The following RALGAPA1 variants were observed in gnomAD, a reference collection of about 807,000 sequenced individuals.
The protein encoded by RALGAPA1 is ral GTPase-activating protein subunit alpha-1.
A neutral mutation model predicts 269.6 loss-of-function variants in RALGAPA1; 52 were observed. The ratio of observed to expected loss-of-function variants is 0.19; its 90% CI spans 0.15 to 0.24. RALGAPA1 has a LOEUF of 0.24. Among genes scored for constraint, RALGAPA1 ranks in the 10% least tolerant of loss-of-function variants. The probability of loss-of-function intolerance (pLI) is 1.00; values close to 1 mark genes in which losing one functional copy is unlikely to be tolerated. For synonymous variants in RALGAPA1, 817 were observed against 1,008.3 expected, an observed-to-expected ratio of 0.81 and a Z score of 3.60; for missense variants, 1,917 against 3,013.9, an observed-to-expected ratio of 0.64 and a Z score of 8.52.
intron 37 of RALGAPA1, among the ~76,000 whole-genome samples, chr14:35,585,684 C>A (rs184021649): frequency 6.6e-6 from 1 of 152,158 alleles, no homozygotes; most frequent in African/African-American, 2.4e-5. Flanking sequence ...AGCCAGTTTC[C>A]CCAGCACCAT....
intron 17 of RALGAPA1, among the ~76,000 whole-genome samples, chr14:35,697,463 A>C (rs1036512250): frequency 6.6e-6 from 1 of 151,828 alleles, no homozygotes; most frequent in Non-Finnish European, 1.5e-5. Flanking sequence ...CTCCTGCCTC[A>C]GCCTACTGAG....
At chr14:35,677,839 C>G in intron 22 of RALGAPA1, 111 bp downstream of exon 22, 1 of 1,068,792 alleles carries the variant, frequency 9.4e-7, no homozygotes, top group Non-Finnish European at 1.3e-6. Flanking sequence ...TAGAAAAGTC[C>G]AAAATATTTA....
intron 36 of RALGAPA1, among the ~76,000 whole-genome samples, chr14:35,600,232 CTTTTTTTT>C (rs71124708): frequency 3.5e-5 from 3 of 86,952 alleles, no homozygotes; most frequent in South Asian, 7.5e-4. Context: ...TTCTTTTTTT[CTTTTTTTT>C]TTTTTTTTTG....
intron 7 of RALGAPA1, among the ~76,000 whole-genome samples, chr14:35,752,849 A>C (rs558055554): frequency 1.5e-4 from 23 of 152,314 alleles, no homozygotes; most frequent in Non-Finnish European, 2.1e-4. Flanking sequence ...CTGATTAAAT[A>C]AGTATATATA....
intron 4 of RALGAPA1, among the ~76,000 whole-genome samples, chr14:35,769,008 C>CAAAAAAAAAAAAAAAA (rs1170324007): frequency 8.9e-5 from 1 of 11,192 alleles, no homozygotes; most frequent in African/African-American, 3.1e-4. Context: ...AACTCCGTCT[C>CAAAAAAAAAAAAAAAA]AAAAAAAAAA....
At position 35,689,757 on chromosome 14, in the gene RALGAPA1, C is replaced by T; in HGVS notation, c.2654G>A (p.Arg885Lys). The change falls in exon 18 of 42, where the codon AGA becomes AAA. Residue 885 changes from arginine to lysine, a missense_variant. Physicochemically the swap from Arg to Lys is conservative, Grantham distance 26. Around this residue, in one of 11 missense-constraint regions of RALGAPA1, gnomAD observed 615 missense variants for 790.0 expected, o/e 0.78. Coordinates refer to ENST00000680220, the MANE Select transcript of RALGAPA1 (RefSeq NM_001346249.2). The part of the protein sequence containing the change: ...QSSTEASSIT[R>K]STESHITDTH... ...ATCAGTGATGTGGCTTTCAGTGGAT[C>T]TAGTTATTGAAGAAGCCTCTGTGGA... 6.7e-7 allele frequency: 1 copy of T among 1,497,890 alleles called. No homozygotes were observed. Among genetic ancestry groups the T allele is most frequent in the Non-Finnish European group, 8.8e-7 (1 of 1,130,866 alleles). The allele number at this position is 1,497,890 out of a possible 1,614,324, so 92.8% of individuals were successfully genotyped here.
chr14:35,675,749 G>C (rs1357465516), intron 22 of RALGAPA1, among the ~76,000 whole-genome samples: 3 of 152,048 alleles, frequency 2.0e-5, no homozygotes, highest in Non-Finnish European at 4.4e-5. Context: ...AATGGAAAAG[G>C]CTATAGAAAA....
chr14:35,573,162 G>A (rs2057336896), intron 37 of RALGAPA1, among the ~76,000 whole-genome samples: 1 of 152,196 alleles, frequency 6.6e-6, no homozygotes, highest in South Asian at 2.1e-4. Context: ...CCAAATAGAT[G>A]TCTTGAGAAT....
chr14:35,775,050 T>C lies in RALGAPA1; in HGVS notation c.223A>G (p.Lys75Glu). 2 of 1,539,062 alleles carry C rather than the reference T, an allele frequency of 1.3e-6. No homozygotes were observed. The highest frequency in any genetic ancestry group is 1.8e-6 in the Non-Finnish European group (2 of 1,119,532). Residue 75 changes from lysine (K) to glutamate (E), a missense_variant, in exon 3 of 42, where the codon AAG (lysine) becomes GAG (glutamate). Lys to Glu is a moderately conservative substitution (Grantham distance 56). Transcript: ENST00000680220. Reference protein sequence around the residue: ...IEASLKQKGHKSQREELDAIL... With the variant: ...IEASLKQKGHESQREELDAIL... Reference sequence around the variant, plus strand: ...GCATCCAATTCCTCTCTTTGAGACTTGTGACCTAAAACATTTTTATAAGAA... The same window carrying C: ...GCATCCAATTCCTCTCTTTGAGACTCGTGACCTAAAACATTTTTATAAGAA...
chr14:35,559,469 A>C (rs905142856), intron 39 of RALGAPA1, among the ~76,000 whole-genome samples: 1 of 152,142 alleles, frequency 6.6e-6, no homozygotes, highest in African/African-American at 2.4e-5. Context: ...AGTCATCACA[A>C]ACTGCAACAT....
chr14:35,788,345 T>C (rs1297843781), intron 1 of RALGAPA1, among the ~76,000 whole-genome samples: 1 of 152,212 alleles, frequency 6.6e-6, no homozygotes, highest in Non-Finnish European at 1.5e-5. Context: ...TTCAATTTTA[T>C]TTCCTTAAGG....
intron 30 of RALGAPA1, 43 bp downstream of exon 30, chr14:35,654,324 A>C: frequency 6.6e-7 from 1 of 1,510,810 alleles, no homozygotes. Flanking sequence ...CAAATCTAAA[A>C]AAATTTAACA....
intron 16 of RALGAPA1, among the ~76,000 whole-genome samples, chr14:35,709,677 T>C (rs540960417): frequency 2.0e-5 from 3 of 152,298 alleles, no homozygotes; most frequent in Non-Finnish European, 2.9e-5. Context: ...TCTTTAGTAA[T>C]ATATATTTTC....
intron 32 of RALGAPA1, among the ~76,000 whole-genome samples, 181 bp downstream of exon 32, chr14:35,635,283 A>G (rs1230339664): frequency 2.6e-5 from 4 of 152,216 alleles, no homozygotes; most frequent in African/African-American, 7.2e-5. Flanking sequence ...AAATTTTGCA[A>G]TGAAACAACG....
At chr14:35,542,420 T>C (rs1014181751) in intron 41 of RALGAPA1, 1 of 157,788 alleles carries the variant, frequency 6.3e-6, no homozygotes, top group East Asian at 1.9e-4. Flanking sequence ...AAAACAATTC[T>C]TCCATGTCTT....
intron 34 of RALGAPA1, 135 bp downstream of exon 34, chr14:35,626,955 T>G (rs1354485960): frequency 4.8e-6 from 4 of 838,868 alleles, no homozygotes; most frequent in African/African-American, 1.9e-5. Flanking sequence ...AAAAAAAATC[T>G]GCAAAAAAAT....
intron 41 of RALGAPA1, among the ~76,000 whole-genome samples, chr14:35,547,580 T>A (rs1400850784): frequency 6.6e-6 from 1 of 152,174 alleles, no homozygotes; most frequent in Non-Finnish European, 1.5e-5. Context: ...TCTGACATTT[T>A]ATCGGACATT....
At chr14:35,717,629 G>A (rs2068955077) in intron 16 of RALGAPA1, among the ~76,000 whole-genome samples, 1 of 151,890 alleles carries the variant, frequency 6.6e-6, no homozygotes, top group Non-Finnish European at 1.5e-5. Context: ...TTGGCTCACT[G>A]CAACCTCCAC....
chr14:35,553,407 C>T (rs555265875), intron 39 of RALGAPA1, among the ~76,000 whole-genome samples: 2 of 152,214 alleles, frequency 1.3e-5, no homozygotes, highest in South Asian at 4.2e-4. Context: ...TATGCAGTAT[C>T]AAGTATTTCA....
Sources: allele counts gnomAD v4.1 joint callset (sites outside exome capture counted in the v4.1 genomes callset), GRCh38; gene constraint gnomAD v4.1.1; regional missense constraint gnomAD v4.1.1; transcripts MANE v1.5; gene names NCBI Gene and HGNC (gene_info 2026-07-23, HGNC 2026-07-21).